FAM186A: variants seen among roughly 807,000 people sequenced by gnomAD.
FAM186A encodes protein FAM186A.
Under a neutral mutation model 216.8 loss-of-function variants are expected in FAM186A, and 163 were observed. The ratio of observed to expected loss-of-function variants is 0.75; its 90% CI spans 0.66 to 0.86. FAM186A has a LOEUF of 0.86. FAM186A is among the 40% of genes least tolerant of loss of function. The pLI is 0.00. For missense variants in FAM186A, 2,184 were observed against 2,746.2 expected (o/e 0.80, Z 4.58); for synonymous variants, 805 against 1,025.3 (o/e 0.79, Z 4.10).
At chr12:50,358,909 T>C (rs1592615649) in intron 3 of FAM186A, among the ~76,000 whole-genome samples, 2 of 103,186 alleles carry the variant, frequency 1.9e-5, no homozygotes, top group East Asian at 6.0e-4. Flanking sequence ...GGCGACAGAG[T>C]AAGACTCTGT....
Position 50,365,948 on chromosome 12 carries a change from T to C in FAM186A, c.193-2584A>G, listed in dbSNP as rs1943083506. The C allele has an allele frequency of 5.2e-6, 4 of 764,502 alleles. No homozygotes were observed. In the Admixed American group the frequency reaches 6.8e-5, roughly 13 times the overall value. The allele number at this position is 764,502 out of a possible 1,614,324, so 47.4% of individuals were successfully genotyped here. On this transcript the variant is annotated intron_variant, in intron 1 of 7. Transcript: ENST00000327337. Reference sequence around the variant, plus strand: ...ATGGCACAACTGTCCATGTGGGCCCTCGCCCCAGCAAGGTGGGTATCACTA... The same window carrying C: ...ATGGCACAACTGTCCATGTGGGCCCCCGCCCCAGCAAGGTGGGTATCACTA...
In FAM186A at chr12:50,396,577, T is replaced by G; in HGVS notation, c.-93A>C. 8.2e-7 allele frequency: 1 copy of G among 1,225,858 alleles called. No individual in the cohort carries two copies. Among genetic ancestry groups the G allele is most frequent in the Non-Finnish European group, 1.1e-6 (1 of 896,604 alleles). 75.9% of individuals were successfully genotyped at this position (1,225,858 alleles called of 1,614,324 possible). On this transcript the variant is annotated 5_prime_UTR_variant, in exon 1 of 8. Coordinates refer to ENST00000327337, the MANE Select transcript of FAM186A (RefSeq NM_001145475.3). ...ATATCCAGTAGGAAGCTAGGAGAGG[T>G]CTTTCCTGATCCTAGAAGTTGTGGC... is the stretch of plus-strand genomic sequence containing the variant.
chr12:50,334,850 CTT>C (rs968363259), intron 4 of FAM186A, among the ~76,000 whole-genome samples: 40 of 152,126 alleles, frequency 2.6e-4, no homozygotes, highest in African/African-American at 7.5e-4. Flanking sequence ...CTTAATAAGA[CTT>C]TAATCCAGTT....
chr12:50,362,110 A>G (rs1943041540), intron 2 of FAM186A, among the ~76,000 whole-genome samples: 2 of 151,476 alleles, frequency 1.3e-5, no homozygotes, highest in Admixed American at 1.3e-4. Flanking sequence ...GTAGCTGGGA[A>G]TAGAGGCATA....
At chr12:50,330,783 A>G in intron 6 of FAM186A, 25 bp from the exon 7 acceptor site, 2 of 1,495,660 alleles carry the variant, frequency 1.3e-6, no homozygotes, top group Non-Finnish European at 1.8e-6. Flanking sequence ...TAAATTGGGA[A>G]CGCCAAATTC....
At chr12:50,367,530 A>G (rs923930583) in intron 1 of FAM186A, among the ~76,000 whole-genome samples, 4 of 151,498 alleles carry the variant, frequency 2.6e-5, no homozygotes, top group South Asian at 4.2e-4. Context: ...AAAAAAAAAA[A>G]AAAAAGAAAA....
At chr12:50,342,482 A>T (rs10876020) in intron 4 of FAM186A, among the ~76,000 whole-genome samples, 96,948 of 150,028 alleles carry the variant, frequency 0.65, 31,726 homozygotes, top group East Asian at 0.74. Context: ...ATTTTTTAAA[A>T]TTTTTTTTTA....
At chr12:50,363,736 A>T (rs2136098040) in intron 1 of FAM186A, among the ~76,000 whole-genome samples, 1 of 150,454 alleles carries the variant, frequency 6.6e-6, no homozygotes, top group Non-Finnish European at 1.5e-5. Flanking sequence ...AAATTTGTGA[A>T]AGTGCTTTAT....
At chr12:50,329,780 G>A (rs2138755677) in intron 7 of FAM186A, among the ~76,000 whole-genome samples, 1 of 152,112 alleles carries the variant, frequency 6.6e-6, no homozygotes, top group East Asian at 1.9e-4. Flanking sequence ...ATTTTTAGTA[G>A]AGACAGGGTT....
In FAM186A at chr12:50,360,844, C is replaced by T. The variant is rs1202336628; in HGVS notation, c.495G>A (p.Thr165=). Residue 165 remains threonine, a synonymous_variant, in exon 3 of 8, where the codon ACG becomes ACA. Transcript: ENST00000327337. ...WIAQMELLPD[T]LKAIENNVKI... is the part of the protein sequence containing the mutation. The stretch of plus-strand genomic sequence containing the variant: ...TGACATTGTTCTCAATAGCTTTTAA[C>T]GTGTCCGGTAACAACTCCATTTGTG... 19 of 1,551,148 alleles carry T rather than the reference C, an allele frequency of 1.2e-5. No individual in the cohort carries two copies. The highest frequency in any genetic ancestry group is 3.9e-5 in the Admixed American group (2 of 50,930).
At position 50,351,653 on chromosome 12, in the gene FAM186A, A is replaced by C. The variant is rs1942882779; in HGVS notation, c.5179T>G (p.Ser1727Ala). Residue 1727 changes from serine (S) to alanine (A), a missense_variant, in exon 4 of 8, where the codon TCC becomes GCC. Physicochemically the swap from Ser to Ala is moderately conservative, Grantham distance 99. Coordinates refer to ENST00000327337, the MANE Select transcript of FAM186A (RefSeq NM_001145475.3). ...KSKASLPTGQ[S>A]IISRLSPSLR... ...CTTGGAGACAATCTTGATATGATGG[A>C]TTGCCCAGTGGGGAGAGAAGCCTTC... 1 of 1,551,446 alleles carries C rather than the reference A, an allele frequency of 6.4e-7. No homozygotes were observed. The highest frequency in any genetic ancestry group is 2.0e-5 in the Admixed American group (1 of 50,968).
intron 1 of FAM186A, among the ~76,000 whole-genome samples, chr12:50,384,837 G>A (rs1309537892): frequency 1.3e-5 from 2 of 151,744 alleles, no homozygotes; most frequent in East Asian, 3.9e-4. Context: ...ACTGAGTCTT[G>A]CTCTATTGCC....
intron 4 of FAM186A, among the ~76,000 whole-genome samples, chr12:50,347,454 G>A (rs1003259567): frequency 6.6e-6 from 1 of 152,032 alleles, no homozygotes; most frequent in African/African-American, 2.4e-5. Flanking sequence ...ATAATAGCTG[G>A]GCGCGGTGGC....
intron 1 of FAM186A, among the ~76,000 whole-genome samples, chr12:50,390,529 T>G (rs7975894): frequency 0.12 from 17,601 of 152,272 alleles, 1,370 homozygotes; most frequent in Non-Finnish European, 0.18. Flanking sequence ...AACATCTTGA[T>G]CAACTAGCCA....
At chr12:50,379,447 A>T in intron 1 of FAM186A, among the ~76,000 whole-genome samples, 1 of 132,862 alleles carries the variant, frequency 7.5e-6, no homozygotes, top group Non-Finnish European at 1.6e-5. Flanking sequence ...CTCAAAAAAA[A>T]AAAGAAAGAA....
chr12:50,359,590 T>C (rs974855051), intron 3 of FAM186A, among the ~76,000 whole-genome samples: 13 of 151,862 alleles, frequency 8.6e-5, no homozygotes, highest in African/African-American at 3.1e-4. Flanking sequence ...CCAAAAAAAA[T>C]GGGTAAATAA....
chr12:50,364,390 T>TAA (rs892224260), intron 1 of FAM186A, among the ~76,000 whole-genome samples: 2 of 148,796 alleles, frequency 1.3e-5, no homozygotes, highest in African/African-American at 2.5e-5. Context: ...CTGTCTCTCC[T>TAA]AAAAAAAAAT....
Position 50,338,389 on chromosome 12 carries a change from C to T in FAM186A, c.6504-4286G>A, listed in dbSNP as rs538881176. Among the ~76,000 whole-genome samples, 11 of 152,098 alleles carry T rather than the reference C, an allele frequency of 7.2e-5. No individual in the cohort carries two copies. In the South Asian group the frequency reaches 1.2e-3, roughly 17 times the overall value. On this transcript the variant is annotated intron_variant, in intron 4 of 7. Transcript: ENST00000327337. ...CTAATTTTTGTATTTTTAGCAGAGA[C>T]GGGGTTTCACCATGTTGGCTAGGCT...
chr12:50,340,590 G>A (rs897163042), intron 4 of FAM186A, among the ~76,000 whole-genome samples: 5 of 151,290 alleles, frequency 3.3e-5, no homozygotes, highest in East Asian at 2.0e-4. Flanking sequence ...CACACAGGTC[G>A]CTTCGGCCCA....
Sources: gnomAD v4.1 joint callset for allele counts (sites outside exome capture counted in the v4.1 genomes callset) on GRCh38, gnomAD v4.1.1 for gene constraint, MANE v1.5 for transcripts, NCBI Gene and HGNC (gene_info 2026-07-23, HGNC 2026-07-21) for gene names.